DOK5: variants seen among roughly 807,000 people sequenced by gnomAD.
DOK5 encodes the protein downstream of tyrosine kinase 5.
DOK5 carries 27 observed loss-of-function variants against 43.3 expected under a neutral mutation model. That is an observed-to-expected ratio of 0.62 (90% CI 0.46 to 0.86). The LOEUF (loss-of-function observed/expected upper bound fraction) is 0.86, where lower values mean the gene tolerates loss of function less well. Ranked by LOEUF, DOK5 falls within the 40% of genes least tolerant of loss-of-function variation. DOK5 has a pLI of 0.00. For synonymous variants in DOK5, 146 were observed against 140.1 expected (o/e 1.04, Z -0.30); for missense variants, 373 against 392.9 (o/e 0.95, Z 0.43).
intron 1 of DOK5, among the ~76,000 whole-genome samples, chr20:54,513,437 G>T: frequency 9.6e-6 from 1 of 103,680 alleles, no homozygotes; most frequent in Non-Finnish European, 1.8e-5. Flanking sequence ...TGTTTTGTTT[G>T]CTTGTTTGCT....
intron 6 of DOK5, among the ~76,000 whole-genome samples, chr20:54,620,744 G>A (rs1255726141): frequency 6.6e-6 from 1 of 152,118 alleles, no homozygotes; most frequent in Non-Finnish European, 1.5e-5. Context: ...TGAAGATGAT[G>A]CGTACACAAA....
chr20:54,569,309 T>C (rs1985208443), intron 2 of DOK5, among the ~76,000 whole-genome samples: 1 of 152,196 alleles, frequency 6.6e-6, no homozygotes, highest in Non-Finnish European at 1.5e-5. Context: ...ATCACACGAA[T>C]TGCCCTAGTC....
Position 54,475,614 on chromosome 20 carries a change from C to A in DOK5, c.-333C>A. 1 of 395,382 alleles carries A rather than the reference C, an allele frequency of 2.5e-6. No homozygotes were observed. The highest frequency in any genetic ancestry group is 4.6e-6 in the Non-Finnish European group (1 of 218,316). The allele number at this position is 395,382 out of a possible 1,614,324, so 24.5% of individuals were successfully genotyped here. A position where few individuals can be genotyped will look rare whatever the true frequency, so the allele number is the denominator to read the frequency against. On this transcript the variant is annotated 5_prime_UTR_variant, in exon 1 of 8. Coordinates refer to ENST00000262593, the MANE Select transcript of DOK5 (RefSeq NM_018431.5). This position sits in a 1 kb window ranked among gnomAD's most constrained non-coding sequence, Gnocchi z 4.2. ...CCTCCTTCTTCTCCTCCTTCTCGGC[C>A]GGGAGGAGGCAGGGCTGGATCCCTC...
intron 1 of DOK5, among the ~76,000 whole-genome samples, chr20:54,499,868 C>T (rs1283463799): frequency 2.0e-5 from 3 of 152,194 alleles, no homozygotes; most frequent in Non-Finnish European, 4.4e-5. Context: ...GCACAATTCA[C>T]TGAAGATTGC....
chr20:54,650,507 C>G lies in DOK5; in HGVS notation c.*28C>G, dbSNP rs538040340. The G allele has an allele frequency of 6.2e-7, 1 of 1,605,524 alleles. No homozygotes were observed. Among genetic ancestry groups the G allele is most frequent in the African/African-American group, 1.3e-5 (1 of 74,846 alleles). ...GTAACTGCCAAGAATTGTTAACACACTTGTGATGTGTCAGCCACAGATTCA... is the reference window on the plus strand; with the variant it reads ...GTAACTGCCAAGAATTGTTAACACAGTTGTGATGTGTCAGCCACAGATTCA... On this transcript the variant is annotated 3_prime_UTR_variant, in exon 8 of 8. Coordinates refer to ENST00000262593, the MANE Select transcript of DOK5 (RefSeq NM_018431.5).
At chr20:54,550,182 A>G (rs1434279515) in intron 1 of DOK5, among the ~76,000 whole-genome samples, 2 of 128,314 alleles carry the variant, frequency 1.6e-5, no homozygotes, top group Non-Finnish European at 3.6e-5. Flanking sequence ...TTGGATGGCA[A>G]AAAAAAAAAA....
rs1979214260 is a variant in DOK5, at chr20:54,643,310, A to C, written c.736-148A>C. 3.7e-6 allele frequency: 4 copies of C among 1,085,474 alleles called. No homozygotes were observed. The South Asian group carries it at 4.6e-5, about 12-fold the overall frequency. 67.2% of individuals were successfully genotyped at this position (1,085,474 alleles called of 1,614,324 possible). ...AAGTAAGCAAAAACAGTAGCTGGCC[A>C]CCATGCCCACCACCTTCAATCGATG... On this transcript the variant is annotated intron_variant, in intron 6 of 7. Coordinates refer to ENST00000262593, the MANE Select transcript of DOK5 (RefSeq NM_018431.5).
intron 7 of DOK5, among the ~76,000 whole-genome samples, chr20:54,645,440 G>T (rs913562277): frequency 4.6e-5 from 7 of 150,902 alleles, no homozygotes; most frequent in Admixed American, 4.6e-4. Context: ...CTCCATGCCC[G>T]CTCTGAACCC....
chr20:54,619,050 T>A (rs989511847), intron 6 of DOK5, among the ~76,000 whole-genome samples: 1 of 119,418 alleles, frequency 8.4e-6, no homozygotes, highest in African/African-American at 3.4e-5. Flanking sequence ...TATATATATA[T>A]ATATATATAT....
At chr20:54,565,433 A>ATATATCTATCTATTCTTGGTAG (rs1985062538) in intron 2 of DOK5, among the ~76,000 whole-genome samples, 1 of 152,212 alleles carries the variant, frequency 6.6e-6, no homozygotes, top group African/African-American at 2.4e-5. Context: ...TGGACAAGAA[A>ATATATCTATCTATTCTTGGTAG]AACTACCATA....
intron 2 of DOK5, among the ~76,000 whole-genome samples, chr20:54,573,461 G>A (rs1249574897): frequency 6.6e-6 from 1 of 152,120 alleles, no homozygotes; most frequent in Non-Finnish European, 1.5e-5. Context: ...GCCGAGGCAG[G>A]CAGATCATGA....
intron 2 of DOK5, among the ~76,000 whole-genome samples, chr20:54,568,731 C>G (rs1267744640): frequency 6.6e-6 from 1 of 151,974 alleles, no homozygotes; most frequent in Non-Finnish European, 1.5e-5. Flanking sequence ...GAGATCGAGA[C>G]CATCCTGGCT....
At chr20:54,487,421 T>C (rs2070309061) in intron 1 of DOK5, among the ~76,000 whole-genome samples, 1 of 152,104 alleles carries the variant, frequency 6.6e-6, no homozygotes, top group African/African-American at 2.4e-5. Flanking sequence ...GAATGTGTGC[T>C]TCCTCTTTAA....
chr20:54,584,824 A>G (rs1985756086), intron 2 of DOK5, among the ~76,000 whole-genome samples: 1 of 150,982 alleles, frequency 6.6e-6, no homozygotes, highest in African/African-American at 2.4e-5. Flanking sequence ...ATATATTTTC[A>G]TTTGCTTTCA....
intron 2 of DOK5, 45 bp downstream of exon 2, chr20:54,555,085 A>T: frequency 1.5e-6 from 2 of 1,328,154 alleles, no homozygotes; most frequent in Non-Finnish European, 2.2e-6. Context: ...ATTTACAGGG[A>T]GGCAACTGGA....
chr20:54,599,905 G>A (rs1282632472), intron 5 of DOK5, among the ~76,000 whole-genome samples: 1 of 152,196 alleles, frequency 6.6e-6, no homozygotes, highest in African/African-American at 2.4e-5. Context: ...AGAAGAGAGA[G>A]ATATAGACAA....
At chr20:54,522,601 CCT>C (rs1270021641) in intron 1 of DOK5, among the ~76,000 whole-genome samples, 1 of 150,380 alleles carries the variant, frequency 6.6e-6, no homozygotes, top group African/African-American at 2.5e-5. Context: ...CTCACTGCAA[CCT>C]CTGTCTCCCG....
At chr20:54,620,842 G>A (rs1368159571) in intron 6 of DOK5, among the ~76,000 whole-genome samples, 4 of 152,038 alleles carry the variant, frequency 2.6e-5, no homozygotes, top group Non-Finnish European at 4.4e-5. Context: ...GATAGTATAC[G>A]AGGTGCTGGG....
chr20:54,555,215 TAA>T (rs1175132444), intron 2 of DOK5, 175 bp downstream of exon 2: 1 of 574,648 alleles, frequency 1.7e-6, no homozygotes, highest in African/African-American at 1.9e-5. Context: ...TTGACTAATG[TAA>T]AGTCACTTTT....
Sources: gnomAD v4.1 joint callset for allele counts (sites outside exome capture counted in the v4.1 genomes callset) on GRCh38, gnomAD v4.1.1 for gene constraint, Gnocchi (gnomAD v3.1) non-coding constraint, MANE v1.5 for transcripts, NCBI Gene and HGNC (gene_info 2026-07-23, HGNC 2026-07-21) for gene names.